Variants in KIF6 observed in about 807,000 individuals in gnomAD.
KIF6 encodes the protein kinesin-like protein KIF6.
Under a neutral mutation model 112.7 loss-of-function variants are expected in KIF6, and 106 were observed. That is an observed-to-expected ratio of 0.94 (90% confidence interval 0.80 to 1.11). The LOEUF is 1.11. Among genes scored for constraint, KIF6 ranks in the 50% least tolerant of loss-of-function variants. KIF6 has a pLI of 0.00. For missense variants in KIF6, 929 were observed against 964.0 expected, an observed-to-expected ratio of 0.96 and a Z score of 0.48; for synonymous variants, 339 against 339.9, an observed-to-expected ratio of 1.00 and a Z score of 0.03.
chr6:39,344,092 C>T (rs1259885872), intron 21 of KIF6, among the ~76,000 whole-genome samples: 1 of 152,164 alleles, frequency 6.6e-6, no homozygotes, highest in Non-Finnish European at 1.5e-5. Flanking sequence ...CCCATAATTT[C>T]CACGTGTTGT....
intron 5 of KIF6, 50 bp downstream of exon 5, chr6:39,634,799 A>G (rs748515176): frequency 1.2e-5 from 12 of 1,039,708 alleles, no homozygotes; most frequent in Non-Finnish European, 1.8e-5. Context: ...ACAATTGAAG[A>G]GAACATCTGA....
chr6:39,519,601 G>A (rs1169865541), intron 13 of KIF6, among the ~76,000 whole-genome samples: 8 of 152,066 alleles, frequency 5.3e-5, no homozygotes, highest in Non-Finnish European at 1.0e-4. Context: ...CTGGGATTCT[G>A]CGAGTCTAGG....
chr6:39,443,169 T>A (rs200518061), intron 13 of KIF6, among the ~76,000 whole-genome samples: 3,252 of 144,260 alleles, frequency 0.023, 162 homozygotes, highest in East Asian at 0.18. Flanking sequence ...TAAATAAAAA[T>A]AAAAAAAAGA....
chr6:39,670,596 G>A (rs1786755210), intron 3 of KIF6, among the ~76,000 whole-genome samples: 1 of 152,146 alleles, frequency 6.6e-6, no homozygotes, highest in African/African-American at 2.4e-5. Flanking sequence ...CATTGGTTTT[G>A]CAGACTCGGG....
At chr6:39,356,752 G>T (rs1764722039) in intron 19 of KIF6, among the ~76,000 whole-genome samples, 1 of 152,158 alleles carries the variant, frequency 6.6e-6, no homozygotes. Flanking sequence ...TTGTGTGGTT[G>T]GAAAGAGACA....
intron 13 of KIF6, among the ~76,000 whole-genome samples, chr6:39,523,984 T>C (rs1375038174): frequency 1.3e-5 from 2 of 152,102 alleles, no homozygotes; most frequent in African/African-American, 4.8e-5. Flanking sequence ...GATAGGTCTT[T>C]ATGCTTCCCA....
chr6:39,464,762 T>C (rs563194520), intron 13 of KIF6, among the ~76,000 whole-genome samples: 49 of 152,300 alleles, frequency 3.2e-4, no homozygotes, highest in South Asian at 8.3e-4. Context: ...GACTCTTGAC[T>C]ATGAGAGATC....
Position 39,533,455 on chromosome 6 carries a change from G to C in KIF6, c.1645+6548C>G, listed in dbSNP as rs887872641. Among the ~76,000 whole-genome samples the C allele has an allele frequency of 6.4e-4, 97 of 152,330 alleles. 2 individuals carry two copies. The highest frequency in any genetic ancestry group is 8.8e-5 in the Non-Finnish European group (6 of 68,018). On this transcript the variant is annotated intron_variant, in intron 13 of 22. Coordinates refer to ENST00000287152, the MANE Select transcript of KIF6 (RefSeq NM_145027.6). The stretch of plus-strand genomic sequence containing the variant: ...AAACTGCAAGGAGGCAGCGAGGCTG[G>C]GGGAGGGGCGCCCGCCATTGCCCAG...
chr6:39,632,227 C>T (rs551588577), intron 5 of KIF6, among the ~76,000 whole-genome samples: 2 of 151,720 alleles, frequency 1.3e-5, no homozygotes, highest in Non-Finnish European at 2.9e-5. Context: ...AAGAGCGTCT[C>T]GCAGGTGATA....
intron 2 of KIF6, among the ~76,000 whole-genome samples, chr6:39,719,284 A>T (rs1790062196): frequency 6.6e-6 from 1 of 152,042 alleles, no homozygotes; most frequent in Non-Finnish European, 1.5e-5. Context: ...GCGCCATTGC[A>T]CTCCAGCCTG....
At chr6:39,629,968 G>A (rs959953690) in intron 5 of KIF6, among the ~76,000 whole-genome samples, 13 of 151,864 alleles carry the variant, frequency 8.6e-5, no homozygotes, top group African/African-American at 1.7e-4. Context: ...AATTGCCTTC[G>A]CTTCTTTGTC....
At chr6:39,537,540 C>T (rs1045835654) in intron 13 of KIF6, among the ~76,000 whole-genome samples, 1 of 151,720 alleles carries the variant, frequency 6.6e-6, no homozygotes, top group African/African-American at 2.4e-5. Context: ...AGGAGAACTA[C>T]AAACCACTGC....
intron 10 of KIF6, among the ~76,000 whole-genome samples, chr6:39,563,314 C>T (rs1468482318): frequency 1.3e-5 from 2 of 152,032 alleles, no homozygotes; most frequent in African/African-American, 2.4e-5. Flanking sequence ...AAACTTTAGG[C>T]GTTTATCTTT....
chr6:39,466,255 T>G (rs564562252), intron 13 of KIF6, among the ~76,000 whole-genome samples: 116 of 152,264 alleles, frequency 7.6e-4, no homozygotes, highest in Non-Finnish European at 1.3e-3. Flanking sequence ...CTTCTCTCCT[T>G]CTTCCTTCCT....
At chr6:39,377,362 C>T (rs1241158467) in intron 16 of KIF6, among the ~76,000 whole-genome samples, 16 of 140,592 alleles carry the variant, frequency 1.1e-4, no homozygotes, top group Non-Finnish European at 1.9e-4. Context: ...CGTCCCCCAT[C>T]CCCCCCCAAC....
At chr6:39,686,020 T>A (rs1787843633) in intron 3 of KIF6, among the ~76,000 whole-genome samples, 2 of 152,252 alleles carry the variant, frequency 1.3e-5, no homozygotes, top group Admixed American at 1.3e-4. Context: ...GAAATTTTAT[T>A]CTTTCATGAT....
Position 39,343,490 on chromosome 6 carries a change from C to T in KIF6, c.2428+219G>A. Reference sequence around the variant, plus strand: ...AAGAGGGACAGGAGCACCTGGGCCGCCCACCCACTTGGGCCTGTCTTGGTG... The same window carrying T: ...AAGAGGGACAGGAGCACCTGGGCCGTCCACCCACTTGGGCCTGTCTTGGTG... On this transcript the variant is annotated intron_variant, in intron 22 of 22. Transcript: ENST00000287152. The surrounding 1 kb of genome is among the most constrained non-coding windows in gnomAD (Gnocchi z 4.1). The T allele has an allele frequency of 6.7e-7, 1 of 1,492,804 alleles. No individual in the cohort carries two copies. Among genetic ancestry groups the T allele is most frequent in the Non-Finnish European group, 8.9e-7 (1 of 1,119,960 alleles). 92.5% of individuals were successfully genotyped at this position (1,492,804 alleles called of 1,614,324 possible).
chr6:39,495,068 C>A (rs140240184), intron 13 of KIF6, among the ~76,000 whole-genome samples: 4 of 152,322 alleles, frequency 2.6e-5, no homozygotes, highest in Non-Finnish European at 5.9e-5. Context: ...CACTCCCGAG[C>A]TAACTAGTCA....
At chr6:39,615,202 A>G (rs543062657) in intron 5 of KIF6, among the ~76,000 whole-genome samples, 140 of 151,960 alleles carry the variant, frequency 9.2e-4, no homozygotes, top group Non-Finnish European at 1.8e-3. Flanking sequence ...ATAAAATAAA[A>G]AGAGAGAGAG....
Sources: gnomAD v4.1 joint callset for allele counts (sites outside exome capture counted in the v4.1 genomes callset) on GRCh38, gnomAD v4.1.1 for gene constraint, Gnocchi (gnomAD v3.1) non-coding constraint, MANE v1.5 for transcripts, NCBI Gene and HGNC (gene_info 2026-07-23, HGNC 2026-07-21) for gene names.